The following GNG4 variants were observed in gnomAD, a reference collection of about 807,000 sequenced individuals.
GNG4 encodes guanine nucleotide-binding protein G(I)/G(S)/G(O) subunit gamma-4.
GNG4 carries 4 observed loss-of-function variants against 5.8 expected under a neutral mutation model. The ratio of observed to expected loss-of-function variants is 0.69; its 90% CI spans 0.34 to 1.57. GNG4 has a LOEUF of 1.57. GNG4 is among the 40% of genes most tolerant of loss of function. The pLI, the probability that GNG4 is intolerant of heterozygous loss-of-function variation, is 0.06. For synonymous variants in GNG4, 29 were observed against 32.9 expected, an observed-to-expected ratio of 0.88 and a Z score of 0.41; for missense variants, 96 against 95.1, an observed-to-expected ratio of 1.01 and a Z score of -0.04.
At chr1:235,592,580 T>C (rs1325455557) in intron 2 of GNG4, among the ~76,000 whole-genome samples, 1 of 152,134 alleles carries the variant, frequency 6.6e-6, no homozygotes, top group Non-Finnish European at 1.5e-5. Context: ...GCTAACATTT[T>C]TTTTGCCGAC....
chr1:235,597,561 AGTTT>A (rs1220308384), intron 1 of GNG4, among the ~76,000 whole-genome samples: 1 of 67,618 alleles, frequency 1.5e-5, no homozygotes, highest in African/African-American at 5.9e-5. Context: ...TTTATGTTTT[AGTTT>A]GTTTTTTTTT....
chr1:235,589,450 G>T (rs771628173), intron 2 of GNG4, among the ~76,000 whole-genome samples: 1 of 152,330 alleles, frequency 6.6e-6, no homozygotes, highest in East Asian at 1.9e-4. Flanking sequence ...CAGTGTGAGA[G>T]AGCTGGTATG....
In GNG4 at chr1:235,576,265, T is replaced by C. The variant is rs529665077; in HGVS notation, c.99+7475A>G. ...ATTTTAGTAGGGAGGGGTTTCACCA[T>C]GTTGGCCAGGCTGGTCTCGATCTCC... On this transcript the variant is annotated intron_variant, in intron 3 of 3. Transcript: ENST00000391854. 5.3e-5 allele frequency among the ~76,000 whole-genome samples: 8 copies of C among 151,886 alleles called. No homozygotes were observed. In the South Asian group the frequency reaches 6.2e-4, roughly 12 times the overall value.
intron 1 of GNG4, among the ~76,000 whole-genome samples, chr1:235,608,651 CCTTT>C (rs1688412786): frequency 2.0e-5 from 3 of 151,932 alleles, no homozygotes; most frequent in East Asian, 1.9e-4. Flanking sequence ...CTGGATTCTT[CCTTT>C]GTTTTCTTTT....
At position 235,602,699 on chromosome 1, in the gene GNG4, G is replaced by C. The variant is rs577446394; in HGVS notation, c.-122-7188C>G. On this transcript the variant is annotated intron_variant, in intron 1 of 3. Coordinates refer to ENST00000391854, the MANE Select transcript of GNG4 (RefSeq NM_001098722.2). ...TCAGGTCTAACAAGGATTCCACCTAGTGAAACTGTGTTTATTTCTAGGGTC... is the reference window on the plus strand; with the variant it reads ...TCAGGTCTAACAAGGATTCCACCTACTGAAACTGTGTTTATTTCTAGGGTC... 2.6e-5 allele frequency among the ~76,000 whole-genome samples: 4 copies of C among 152,294 alleles called. No homozygotes were observed. In the South Asian group the frequency reaches 8.3e-4, roughly 32 times the overall value.
chr1:235,552,844 C>T (rs1220979567), intron 3 of GNG4, among the ~76,000 whole-genome samples: 1 of 152,164 alleles, frequency 6.6e-6, no homozygotes, highest in Admixed American at 6.5e-5. Flanking sequence ...TCACTGCAAC[C>T]TCCATCTCCT....
chr1:235,619,163 AT>A (rs1328145904), intron 1 of GNG4, among the ~76,000 whole-genome samples: 1 of 94,902 alleles, frequency 1.1e-5, no homozygotes, highest in Non-Finnish European at 1.8e-5. Flanking sequence ...AAAAATTTAT[AT>A]ATATATATAT....
chr1:235,638,280 C>T (rs1390616192), intron 1 of GNG4, among the ~76,000 whole-genome samples: 1 of 152,144 alleles, frequency 6.6e-6, no homozygotes, highest in Non-Finnish European at 1.5e-5. Context: ...GTGGCTACAA[C>T]ACATTACCAT....
At chr1:235,592,136 G>C (rs1343528097) in intron 2 of GNG4, among the ~76,000 whole-genome samples, 2 of 152,180 alleles carry the variant, frequency 1.3e-5, no homozygotes. Context: ...GCCCCCTACG[G>C]AATGAATCAG....
At chr1:235,594,036 T>C (rs1688062425) in intron 2 of GNG4, among the ~76,000 whole-genome samples, 1 of 152,216 alleles carries the variant, frequency 6.6e-6, no homozygotes. Flanking sequence ...TGGTCTGTTT[T>C]ACAGAGAGCT....
chr1:235,551,990 G>A lies in GNG4; in HGVS notation c.*119C>T, dbSNP rs768675534. 1.2e-4 allele frequency: 87 copies of A among 735,850 alleles called. No homozygotes were observed. The highest frequency in any genetic ancestry group is 1.6e-4 in the Non-Finnish European group (70 of 440,246). The allele number at this position is 735,850 out of a possible 1,614,324, so 45.6% of individuals were successfully genotyped here. ...CAGATGGAAACATAAGACAAGCCCC[G>A]GCCACTGTTGGCTGGGCAGGGATGG... On this transcript the variant is annotated 3_prime_UTR_variant, in exon 4 of 4. Transcript: ENST00000391854.
chr1:235,616,112 C>A, intron 1 of GNG4: 1 of 458,318 alleles, frequency 2.2e-6, no homozygotes, highest in South Asian at 1.6e-5. Flanking sequence ...GAGGACCATT[C>A]AGCACTGTCT....
intron 1 of GNG4, among the ~76,000 whole-genome samples, chr1:235,612,887 G>A (rs1688511008): frequency 6.6e-6 from 1 of 152,036 alleles, no homozygotes; most frequent in South Asian, 2.1e-4. Context: ...TCAGGCTCAG[G>A]GTGCCAGCAT....
In GNG4 at chr1:235,552,317, A is replaced by T. The variant is rs452950; in HGVS notation, c.100-80T>A. 5.5e-5 allele frequency: 72 copies of T among 1,313,080 alleles called. No individual in the cohort carries two copies. In the Admixed American group the frequency reaches 9.4e-4, roughly 17 times the overall value. 81.3% of individuals were successfully genotyped at this position (1,313,080 alleles called of 1,614,324 possible). On this transcript the variant is annotated intron_variant, in intron 3 of 3. Coordinates refer to ENST00000391854, the MANE Select transcript of GNG4 (RefSeq NM_001098722.2). ...CCAGGGAAGAGGTGTCCACGTACAG[A>T]GGGGACAAGCCCTAGGGTAGGCTGT...
intron 1 of GNG4, among the ~76,000 whole-genome samples, chr1:235,602,959 G>A (rs1466469239): frequency 6.6e-6 from 1 of 152,130 alleles, no homozygotes; most frequent in Non-Finnish European, 1.5e-5. Flanking sequence ...ATCTAAAAGG[G>A]AGGGGAGGGC....
At chr1:235,565,841 C>A (rs148168044) in intron 3 of GNG4, 4 of 152,176 alleles carry the variant, frequency 2.6e-5, no homozygotes, top group Admixed American at 2.6e-4. Flanking sequence ...CATCATCAGC[C>A]TCACAGGTGA....
intron 2 of GNG4, among the ~76,000 whole-genome samples, chr1:235,587,575 GGGTGGCGGTGA>G (rs1687829004): frequency 1.1e-5 from 1 of 90,660 alleles, no homozygotes; most frequent in Non-Finnish European, 2.9e-5. Flanking sequence ...GGAGGGTGTG[GGGTGGCGGTGA>G]GTGTGAGTGT....
chr1:235,607,147 A>G (rs565558414), intron 1 of GNG4, among the ~76,000 whole-genome samples: 1 of 151,894 alleles, frequency 6.6e-6, no homozygotes, highest in South Asian at 2.1e-4. Flanking sequence ...GGGTTTCACT[A>G]TGTTGGCCAG....
rs1331637331 is a variant in GNG4, at chr1:235,649,459, G to A, written c.-123+203C>T. 6.6e-6 allele frequency among the ~76,000 whole-genome samples: 1 copy of A among 152,150 alleles called. No individual in the cohort carries two copies. The highest frequency in any genetic ancestry group is 1.5e-5 in the Non-Finnish European group (1 of 68,014). ...GCGCGGGCTTCCCCGGGGCCCGGCG[G>A]GAGGTCCCGGGAGAGGAGGCCGAGG... On this transcript the variant is annotated intron_variant, in intron 1 of 3. Transcript: ENST00000391854. This position sits in a 1 kb window ranked among gnomAD's most constrained non-coding sequence, Gnocchi z 5.7.
Sources: gnomAD v4.1 joint callset for allele counts (sites outside exome capture counted in the v4.1 genomes callset) on GRCh38, gnomAD v4.1.1 for gene constraint, Gnocchi (gnomAD v3.1) non-coding constraint, MANE v1.5 for transcripts, NCBI Gene and HGNC (gene_info 2026-07-23, HGNC 2026-07-21) for gene names.